Variants in AGBL4 observed in about 807,000 individuals in gnomAD.
The protein encoded by AGBL4 is AGBL carboxypeptidase 4.
In AGBL4, 58 loss-of-function variants were observed where a neutral mutation model predicts 66.4. The ratio of observed to expected loss-of-function variants is 0.87; its 90% CI spans 0.71 to 1.09. The LOEUF (loss-of-function observed/expected upper bound fraction) is 1.09. AGBL4 is among the 50% of genes least tolerant of loss of function. AGBL4 has a pLI of 0.00. For synonymous variants in AGBL4, 234 were observed against 222.9 expected (o/e 1.05, Z -0.44); for missense variants, 579 against 631.0 (o/e 0.92, Z 0.88).
intron 1 of AGBL4, among the ~76,000 whole-genome samples, chr1:49,926,839 T>A (rs1195329189): frequency 1.3e-5 from 2 of 152,120 alleles, no homozygotes; most frequent in African/African-American, 4.8e-5. Context: ...GCTGTAGGGT[T>A]CACTAGAGGG....
At chr1:49,329,291 A>G (rs1006928330) in intron 3 of AGBL4, among the ~76,000 whole-genome samples, 2 of 152,040 alleles carry the variant, frequency 1.3e-5, no homozygotes, top group Non-Finnish European at 2.9e-5. Context: ...TGGGTGACAG[A>G]GGGAGATTCC....
chr1:48,943,412 A>G (rs895036727), intron 5 of AGBL4, among the ~76,000 whole-genome samples: 4 of 152,232 alleles, frequency 2.6e-5, no homozygotes, highest in Non-Finnish European at 5.9e-5. Context: ...TGGTGGGTAC[A>G]TACAAAGGTT....
intron 6 of AGBL4, among the ~76,000 whole-genome samples, chr1:48,804,971 C>T (rs141061852): frequency 5.3e-5 from 8 of 152,204 alleles, no homozygotes; most frequent in African/African-American, 9.6e-5. Flanking sequence ...TGGTTGGGAG[C>T]GGGAGAAGAG....
chr1:49,149,182 A>G (rs1646278204), intron 4 of AGBL4, among the ~76,000 whole-genome samples: 1 of 152,164 alleles, frequency 6.6e-6, no homozygotes, highest in Non-Finnish European at 1.5e-5. Context: ...CTAAGTAGTT[A>G]CCAGTCTCTT....
intron 4 of AGBL4, among the ~76,000 whole-genome samples, chr1:49,224,918 G>A (rs1013235192): frequency 6.6e-6 from 1 of 152,230 alleles, no homozygotes; most frequent in African/African-American, 2.4e-5. Flanking sequence ...CATCTGAAGA[G>A]TGTATACGTA....
At chr1:48,748,216 T>C (rs999548082) in intron 6 of AGBL4, among the ~76,000 whole-genome samples, 2 of 152,128 alleles carry the variant, frequency 1.3e-5, no homozygotes, top group African/African-American at 2.4e-5. Flanking sequence ...CGGAGCTGGG[T>C]AGGAGGATCC....
chr1:48,712,929 G>A (rs6688110), intron 6 of AGBL4, among the ~76,000 whole-genome samples: 11,707 of 152,258 alleles, frequency 0.077, 736 homozygotes, highest in African/African-American at 0.18. Context: ...AAACCCTGGA[G>A]GGAAGTCAGT....
At chr1:49,195,136 T>C (rs1647203477) in intron 4 of AGBL4, among the ~76,000 whole-genome samples, 1 of 152,184 alleles carries the variant, frequency 6.6e-6, no homozygotes, top group East Asian at 1.9e-4. Flanking sequence ...ACCACCACAC[T>C]TGGCCTCTTT....
At position 48,667,451 on chromosome 1, in the gene AGBL4, T is replaced by A. The variant is rs1269970369; in HGVS notation, c.635-4210A>T. Among the ~76,000 whole-genome samples, 6 of 152,338 alleles carry A rather than the reference T, an allele frequency of 3.9e-5. No homozygotes were observed. The East Asian group carries it at 9.6e-4, about 24-fold the overall frequency. On this transcript the variant is annotated intron_variant, in intron 6 of 13. Transcript: ENST00000371839. ...CCATGTGAGTGCATTTGGAAGAGGA[T>A]CCTGCAGTGTCCAGTGACTATAGCC...
At chr1:48,970,077 G>A (rs866047902) in intron 5 of AGBL4, among the ~76,000 whole-genome samples, 47 of 152,152 alleles carry the variant, frequency 3.1e-4, no homozygotes, top group Middle Eastern at 3.2e-3. Context: ...ACAGAGTTAG[G>A]ATTTGAGCCA....
At chr1:48,530,165 A>G (rs558759197), downstream of AGBL4, among the ~76,000 whole-genome samples, 1 of 152,276 alleles carries the variant, frequency 6.6e-6, no homozygotes, top group Middle Eastern at 3.4e-3. Context: ...GCAGTGTTTG[A>G]ATCCAGGTTC....
intron 5 of AGBL4, among the ~76,000 whole-genome samples, chr1:48,928,954 A>G (rs999918755): frequency 6.6e-6 from 1 of 152,156 alleles, no homozygotes; most frequent in African/African-American, 2.4e-5. Flanking sequence ...CCTAGCCCTC[A>G]ATGGTTGCTT....
chr1:49,627,663 G>A (rs527990173), intron 3 of AGBL4, among the ~76,000 whole-genome samples: 26 of 152,244 alleles, frequency 1.7e-4, no homozygotes, highest in South Asian at 8.3e-4. Context: ...CCCTGCATAT[G>A]GCTATAATGC....
chr1:48,819,668 G>A (rs1198856110), intron 6 of AGBL4, among the ~76,000 whole-genome samples: 1 of 152,214 alleles, frequency 6.6e-6, no homozygotes, highest in African/African-American at 2.4e-5. Context: ...TTCTAGTCCA[G>A]TGTTTGCATT....
chr1:48,595,286 T>C (rs936231119), intron 9 of AGBL4, among the ~76,000 whole-genome samples: 15 of 152,226 alleles, frequency 9.9e-5, no homozygotes, highest in African/African-American at 3.4e-4. Context: ...TGCTGATTTT[T>C]TTCAATCCAC....
intron 2 of AGBL4, among the ~76,000 whole-genome samples, chr1:49,798,551 G>A (rs1015073533): frequency 6.6e-6 from 1 of 152,112 alleles, no homozygotes; most frequent in Non-Finnish European, 1.5e-5. Context: ...TTATTGTCTA[G>A]TTTGATTGTT....
At chr1:50,014,224 A>T (rs949165224) in intron 1 of AGBL4, among the ~76,000 whole-genome samples, 14 of 152,022 alleles carry the variant, frequency 9.2e-5, no homozygotes, top group African/African-American at 3.4e-4. Context: ...TACAAAAATT[A>T]GCTGGGCGTG....
chr1:49,212,997 C>T (rs1254000909), intron 4 of AGBL4, among the ~76,000 whole-genome samples: 1 of 152,004 alleles, frequency 6.6e-6, no homozygotes, highest in Admixed American at 6.6e-5. Context: ...TCTGATTTTT[C>T]CACATACTGA....
At chr1:49,791,714 G>A (rs1211757906) in intron 2 of AGBL4, among the ~76,000 whole-genome samples, 1 of 151,832 alleles carries the variant, frequency 6.6e-6, no homozygotes, top group Non-Finnish European at 1.5e-5. Flanking sequence ...TATCTTTTAG[G>A]TCTCAGTTTA....
Sources: allele counts gnomAD v4.1 joint callset (sites outside exome capture counted in the v4.1 genomes callset), GRCh38; gene constraint gnomAD v4.1.1; transcripts MANE v1.5; gene names NCBI Gene and HGNC (gene_info 2026-07-23, HGNC 2026-07-21).